BIRC6: variants seen among roughly 807,000 people sequenced by gnomAD.
BIRC6 encodes the protein baculoviral IAP repeat containing 6.
A neutral mutation model predicts 503.3 loss-of-function variants in BIRC6; 98 were observed. The observed-to-expected ratio is 0.19, with a 90% CI of 0.17 to 0.23. BIRC6 has a LOEUF of 0.23. Ranked by LOEUF, BIRC6 falls within the 10% of genes least tolerant of loss-of-function variation. The pLI is 1.00. For synonymous variants in BIRC6, 2,240 were observed against 2,078.7 expected, an observed-to-expected ratio of 1.08 and a Z score of -2.11; for missense variants, 5,360 against 5,806.0, an observed-to-expected ratio of 0.92 and a Z score of 2.50.
intron 61 of BIRC6, among the ~76,000 whole-genome samples, chr2:32,535,150 CAAAAAAAA>C (rs1158856665): frequency 1.1e-3 from 8 of 7,276 alleles, no homozygotes; most frequent in Admixed American, 2.3e-3. Context: ...CCCAAAAAAG[CAAAAAAAA>C]AAAAAAAAAA....
intron 38 of BIRC6, among the ~76,000 whole-genome samples, chr2:32,482,028 A>C (rs1038724350): frequency 1.3e-5 from 2 of 152,218 alleles, no homozygotes. Flanking sequence ...TTAAGTATAC[A>C]GAAGTATAGT....
chr2:32,449,223 A>G (rs1558757524), intron 22 of BIRC6: 2 of 213,570 alleles, frequency 9.4e-6, no homozygotes, highest in East Asian at 2.1e-4. Flanking sequence ...TTTAAAATGT[A>G]TTTGTTGTAG....
chr2:32,467,917 A>C lies in BIRC6; in HGVS notation c.5586A>C (p.Gly1862=), dbSNP rs1558811201. 3 of 1,612,690 alleles carry C rather than the reference A, an allele frequency of 1.9e-6. No homozygotes were observed. Among genetic ancestry groups the C allele is most frequent in the Non-Finnish European group, 2.5e-6 (3 of 1,179,224 alleles). The change falls in exon 28 of 74, where the codon GGA becomes GGC. Residue 1862 remains glycine, a synonymous_variant. Transcript: ENST00000421745. ...TTTCATTTCAGATCACTGTTATTGG[A>C]CGTTACGGGAGTACAAATGCCAGAG... ...VCRFMKITVI[G]RYGSTNARAK... is the part of the protein sequence containing the mutation.
intron 3 of BIRC6, among the ~76,000 whole-genome samples, chr2:32,388,224 C>G (rs990723993): frequency 1.3e-5 from 2 of 151,294 alleles, no homozygotes; most frequent in African/African-American, 4.9e-5. Flanking sequence ...ACTAAAAATA[C>G]AAAAAAATTA....
intron 32 of BIRC6, among the ~76,000 whole-genome samples, chr2:32,472,712 A>G (rs1157836449): frequency 6.6e-6 from 1 of 152,214 alleles, no homozygotes; most frequent in African/African-American, 2.4e-5. Flanking sequence ...TTTGGTAGTT[A>G]TTAGTTAAAT....
chr2:32,451,605 AT>A (rs1486844025), intron 22 of BIRC6, among the ~76,000 whole-genome samples: 1 of 152,240 alleles, frequency 6.6e-6, no homozygotes, highest in Non-Finnish European at 1.5e-5. Flanking sequence ...AATGATACAT[AT>A]GCATAGAGTA....
chr2:32,533,167 GT>G (rs1371005143), intron 61 of BIRC6, among the ~76,000 whole-genome samples: 2 of 152,206 alleles, frequency 1.3e-5, no homozygotes, highest in Admixed American at 1.3e-4. Flanking sequence ...TGACAAGGTG[GT>G]TTAGAAGGAA....
chr2:32,479,214 A>G (rs1438211622), intron 36 of BIRC6, among the ~76,000 whole-genome samples: 2 of 152,186 alleles, frequency 1.3e-5, no homozygotes, highest in African/African-American at 4.8e-5. Flanking sequence ...GTGTTAATGT[A>G]TGTACAGTAA....
At chr2:32,406,695 TTG>T (rs907612508) in intron 9 of BIRC6, 138 bp downstream of exon 9, 102 of 561,922 alleles carry the variant, frequency 1.8e-4, no homozygotes, top group Middle Eastern at 4.7e-4. Context: ...GACTGAAATA[TTG>T]TGTGTCAGAG....
chr2:32,485,932 G>C (rs951312112), intron 40 of BIRC6, among the ~76,000 whole-genome samples, 173 bp downstream of exon 40: 2 of 152,192 alleles, frequency 1.3e-5, no homozygotes, highest in Non-Finnish European at 2.9e-5. Flanking sequence ...CTAAGACAAA[G>C]GATTAACAAA....
intron 65 of BIRC6, among the ~76,000 whole-genome samples, chr2:32,561,362 G>A (rs941601299): frequency 2.0e-5 from 3 of 151,542 alleles, no homozygotes; most frequent in African/African-American, 4.8e-5. Flanking sequence ...CTGCCTCAGC[G>A]ACCTGAGTAG....
chr2:32,503,627 G>T (rs2053452570), intron 49 of BIRC6, among the ~76,000 whole-genome samples: 6 of 151,872 alleles, frequency 4.0e-5, no homozygotes, highest in Admixed American at 3.9e-4. Context: ...TCACCATGTT[G>T]GCCAGGCTGG....
intron 45 of BIRC6, among the ~76,000 whole-genome samples, chr2:32,494,250 A>G (rs1165767310): frequency 1.3e-5 from 2 of 149,436 alleles, no homozygotes; most frequent in Non-Finnish European, 1.5e-5. Flanking sequence ...TTTTTTTGAC[A>G]CAGAGTCTCG....
chr2:32,462,047 A>T (rs1438101534), intron 23 of BIRC6, among the ~76,000 whole-genome samples: 2 of 152,072 alleles, frequency 1.3e-5, no homozygotes, highest in Non-Finnish European at 2.9e-5. Flanking sequence ...CAGCAAAAAA[A>T]TAAAAATAAA....
At chr2:32,460,991 TG>T in intron 23 of BIRC6, among the ~76,000 whole-genome samples, 1 of 146,656 alleles carries the variant, frequency 6.8e-6, no homozygotes, top group Non-Finnish European at 1.5e-5. Flanking sequence ...TGCTCTGCTC[TG>T]CTCTGCTCTC....
At chr2:32,592,608 T>C (rs939800112) in intron 66 of BIRC6, among the ~76,000 whole-genome samples, 4 of 152,048 alleles carry the variant, frequency 2.6e-5, no homozygotes, top group South Asian at 2.1e-4. Flanking sequence ...TTTTTTTTTT[T>C]CTGGGAGATG....
chr2:32,453,705 A>G (rs1464458149), intron 22 of BIRC6, 103 bp from the exon 23 acceptor site: 4 of 1,111,580 alleles, frequency 3.6e-6, no homozygotes, highest in Admixed American at 1.9e-5. Context: ...TTGTGTATTT[A>G]TATGTTCTAA....
At chr2:32,572,112 A>G (rs2059955618) in intron 65 of BIRC6, among the ~76,000 whole-genome samples, 1 of 152,150 alleles carries the variant, frequency 6.6e-6, no homozygotes, top group Admixed American at 6.6e-5. Context: ...TCGATTTTCA[A>G]AAATTTTGTT....
intron 1 of BIRC6, among the ~76,000 whole-genome samples, chr2:32,375,213 G>A (rs888847396): frequency 2.6e-5 from 4 of 152,132 alleles, no homozygotes; most frequent in African/African-American, 7.2e-5. Context: ...AAAAGGGACA[G>A]TTTTATTTCT....
Sources: gnomAD v4.1 joint callset for allele counts (sites outside exome capture counted in the v4.1 genomes callset) on GRCh38, gnomAD v4.1.1 for gene constraint, MANE v1.5 for transcripts, NCBI Gene and HGNC (gene_info 2026-07-23, HGNC 2026-07-21) for gene names.